The following NEK11 variants were observed in gnomAD, a reference collection of about 807,000 sequenced individuals.
The protein encoded by NEK11 is serine/threonine-protein kinase Nek11.
A neutral mutation model predicts 80.7 loss-of-function variants in NEK11; 72 were observed. The ratio of observed to expected loss-of-function variants is 0.89; its 90% confidence interval spans 0.74 to 1.08. The LOEUF is 1.08. Ranked by LOEUF, NEK11 falls within the 50% of genes least tolerant of loss-of-function variation. The pLI is 0.00. For synonymous variants in NEK11, 251 were observed against 260.7 expected, an observed-to-expected ratio of 0.96 and a Z score of 0.36; for missense variants, 764 against 763.6, an observed-to-expected ratio of 1.00 and a Z score of -0.01.
intron 17 of NEK11, among the ~76,000 whole-genome samples, chr3:131,297,319 A>G (rs967423618): frequency 1.3e-5 from 2 of 152,124 alleles, no homozygotes; most frequent in African/African-American, 4.8e-5. Context: ...CCTCTCCAGC[A>G]TCTGTTGTTT....
At chr3:131,195,819 T>TATAA (rs1553929124) in intron 14 of NEK11, among the ~76,000 whole-genome samples, 2 of 141,312 alleles carry the variant, frequency 1.4e-5, no homozygotes, top group African/African-American at 5.1e-5. Flanking sequence ...TATATATATA[T>TATAA]AAAATTGAAG....
chr3:131,047,918 C>T (rs1425145051), intron 3 of NEK11, among the ~76,000 whole-genome samples: 1 of 152,122 alleles, frequency 6.6e-6, no homozygotes, highest in African/African-American at 2.4e-5. Flanking sequence ...TTAGGTGTGT[C>T]TGAGCTCAGA....
chr3:131,192,206 C>G (rs1488253486), intron 14 of NEK11, among the ~76,000 whole-genome samples: 1 of 152,042 alleles, frequency 6.6e-6, no homozygotes, highest in Non-Finnish European at 1.5e-5. Context: ...TCACTAATCA[C>G]TAGGAAAATG....
intron 14 of NEK11, among the ~76,000 whole-genome samples, chr3:131,177,338 A>G (rs1283606103): frequency 6.6e-6 from 1 of 152,214 alleles, no homozygotes; most frequent in African/African-American, 2.4e-5. Flanking sequence ...TGCAGTTAGT[A>G]ATACCAATCT....
chr3:131,236,203 G>A (rs1023304905), intron 15 of NEK11, among the ~76,000 whole-genome samples: 1 of 152,158 alleles, frequency 6.6e-6, no homozygotes, highest in African/African-American at 2.4e-5. Flanking sequence ...AAGAGATTAA[G>A]TAGTTAATAA....
intron 17 of NEK11, among the ~76,000 whole-genome samples, chr3:131,294,746 T>C (rs1182062088): frequency 6.6e-6 from 1 of 152,160 alleles, no homozygotes; most frequent in East Asian, 1.9e-4. Flanking sequence ...ACTCTGTTGT[T>C]AGACACATAC....
intron 17 of NEK11, chr3:131,327,098 A>AGAAATAAATTCTGG (rs1438613301): frequency 6.6e-6 from 1 of 152,312 alleles, no homozygotes; most frequent in East Asian, 1.9e-4. Flanking sequence ...CAGAACTCTG[A>AGAAATAAATTCTGG]GAAATAAATT....
intron 11 of NEK11, among the ~76,000 whole-genome samples, chr3:131,163,535 A>G (rs1465311771): frequency 3.3e-5 from 5 of 152,184 alleles, no homozygotes; most frequent in Non-Finnish European, 5.9e-5. Flanking sequence ...TGGAATCTTA[A>G]AAAGTTAAAT....
chr3:131,102,475 C>A (rs976711277), intron 4 of NEK11, among the ~76,000 whole-genome samples: 2 of 152,150 alleles, frequency 1.3e-5, no homozygotes, highest in African/African-American at 4.8e-5. Flanking sequence ...GTTGAAATTT[C>A]TTTTATTTAA....
chr3:131,178,835 T>C (rs1014273643), intron 14 of NEK11, among the ~76,000 whole-genome samples: 1 of 152,224 alleles, frequency 6.6e-6, no homozygotes, highest in African/African-American at 2.4e-5. Flanking sequence ...ACTGCGTCAC[T>C]AGGTAATAGG....
chr3:131,055,342 GTC>G (rs2069257243), intron 3 of NEK11, among the ~76,000 whole-genome samples: 1 of 152,154 alleles, frequency 6.6e-6, no homozygotes, highest in African/African-American at 2.4e-5. Context: ...ACAAAACAAA[GTC>G]TCTGTTCTCA....
At position 131,134,798 on chromosome 3, in the gene NEK11, C is replaced by G. The variant is rs1401763065; in HGVS notation, c.647+842C>G. Among the ~76,000 whole-genome samples, 4 of 152,140 alleles carry G rather than the reference C, an allele frequency of 2.6e-5. No individual in the cohort carries two copies. The East Asian group carries it at 7.7e-4, about 29-fold the overall frequency. On this transcript the variant is annotated intron_variant, in intron 7 of 17. Transcript: ENST00000383366. Reference sequence around the variant, plus strand: ...TCTTATATTAAAGGAATTTCTCCTTCCTTGTTATGGAACTAAGTGAAATCT... The same window carrying G: ...TCTTATATTAAAGGAATTTCTCCTTGCTTGTTATGGAACTAAGTGAAATCT...
intron 3 of NEK11, among the ~76,000 whole-genome samples, chr3:131,031,030 G>A (rs1422360554): frequency 6.6e-6 from 1 of 152,148 alleles, no homozygotes; most frequent in East Asian, 1.9e-4. Context: ...GCTACTCTAA[G>A]TTCTTCCAGC....
At position 131,332,452 on chromosome 3, in the gene NEK11, CA is replaced by C. The variant is rs1251898363; in HGVS notation, c.1719-17100del. 7.2e-4 allele frequency among the ~76,000 whole-genome samples: 110 copies of C among 152,172 alleles called. 2 individuals are homozygous for C. The highest frequency in any genetic ancestry group is 7.2e-3 in the Admixed American group (110 of 15,280). ...TAACAAACAGAAAGGACATCCACAC[CA>C]AAAACCCATCTGTACATCACCATCA... is the stretch of plus-strand genomic sequence containing the variant. On this transcript the variant is annotated intron_variant, in intron 17 of 17. Transcript: ENST00000383366.
rs970429827 is a variant in NEK11, at chr3:131,088,606, A to G, written c.336+8018A>G. Among the ~76,000 whole-genome samples, 52 of 152,318 alleles carry G rather than the reference A, an allele frequency of 3.4e-4. No individual in the cohort carries two copies. The Middle Eastern group carries it at 0.014, about 40-fold the overall frequency. ...TTTTTTTTAAAAAACCCTGTGCTTT[A>G]TAGATAAAAGCATTATTTCACATTA... On this transcript the variant is annotated intron_variant, in intron 4 of 17. Transcript: ENST00000383366.
At position 131,109,989 on chromosome 3, in the gene NEK11, AT is replaced by A. The variant is rs1033108541; in HGVS notation, c.455+76del. 1.9e-5 allele frequency: 28 copies of A among 1,490,414 alleles called. No homozygotes were observed. In the African/African-American group the frequency reaches 2.5e-4, roughly 13 times the overall value. 92.3% of individuals were successfully genotyped at this position (1,490,414 alleles called of 1,614,324 possible). ...AGTCATGTTTGAACTTGAAAAGTGA[AT>A]TTTTTTTCTATAATTGAAAGAAAAC... On this transcript the variant is annotated intron_variant, in intron 5 of 17. Transcript: ENST00000383366.
intron 14 of NEK11, among the ~76,000 whole-genome samples, chr3:131,185,624 G>A (rs1429447129): frequency 6.6e-6 from 1 of 152,158 alleles, no homozygotes; most frequent in Non-Finnish European, 1.5e-5. Flanking sequence ...TCAAATTCTT[G>A]AAAGACCTGA....
chr3:131,244,408 A>G (rs1477410627), intron 16 of NEK11, among the ~76,000 whole-genome samples: 2 of 152,104 alleles, frequency 1.3e-5, no homozygotes, highest in Non-Finnish European at 2.9e-5. Flanking sequence ...TAACAAGTAC[A>G]TTTAACATCG....
At chr3:131,228,763 G>A in intron 15 of NEK11, 75 bp downstream of exon 15, 3 of 1,425,828 alleles carry the variant, frequency 2.1e-6, no homozygotes, top group Non-Finnish European at 2.8e-6. Flanking sequence ...AAGAAAGGAA[G>A]TCTTATAAGG....
Sources: gnomAD v4.1 joint callset for allele counts (sites outside exome capture counted in the v4.1 genomes callset) on GRCh38, gnomAD v4.1.1 for gene constraint, MANE v1.5 for transcripts, NCBI Gene and HGNC (gene_info 2026-07-23, HGNC 2026-07-21) for gene names.